The following MEGF11 variants were observed in gnomAD, a reference collection of about 807,000 sequenced individuals.
MEGF11 encodes multiple epidermal growth factor-like domains protein 11.
MEGF11 carries 126 observed loss-of-function variants against 146.6 expected under a neutral mutation model. The observed-to-expected ratio is 0.86, with a 90% CI of 0.74 to 1.00. The LOEUF is 1.00. Among genes scored for constraint, MEGF11 ranks in the 50% least tolerant of loss-of-function variants. The pLI is 0.00. For synonymous variants in MEGF11, 532 were observed against 583.4 expected (o/e 0.91, Z 1.27); for missense variants, 1,509 against 1,521.2 (o/e 0.99, Z 0.13).
At chr15:66,050,541 G>T (rs960778423) in intron 5 of MEGF11, among the ~76,000 whole-genome samples, 3 of 152,202 alleles carry the variant, frequency 2.0e-5, no homozygotes, top group African/African-American at 7.2e-5. Context: ...TGAGAGAGGT[G>T]GGTAAGGATC....
intron 1 of MEGF11, among the ~76,000 whole-genome samples, chr15:66,210,939 A>G (rs947226142): frequency 6.6e-6 from 1 of 152,216 alleles, no homozygotes; most frequent in Middle Eastern, 3.2e-3. Flanking sequence ...AGAAAAAACT[A>G]GTAGTCAAGG....
intron 6 of MEGF11, among the ~76,000 whole-genome samples, chr15:65,981,678 T>C (rs892333656): frequency 1.3e-5 from 2 of 152,082 alleles, no homozygotes; most frequent in Non-Finnish European, 2.9e-5. Flanking sequence ...CTTGTAGGTC[T>C]CCTGTCAATA....
intron 5 of MEGF11, among the ~76,000 whole-genome samples, chr15:66,046,814 C>G (rs1201217964): frequency 6.6e-6 from 1 of 152,090 alleles, no homozygotes; most frequent in African/African-American, 2.4e-5. Flanking sequence ...CTAGGCTGTC[C>G]CTTATCATAT....
intron 5 of MEGF11, among the ~76,000 whole-genome samples, chr15:66,034,744 C>T (rs1007257787): frequency 5.9e-5 from 9 of 152,070 alleles, no homozygotes; most frequent in African/African-American, 1.9e-4. Flanking sequence ...GAATGTGTTC[C>T]CCAAAAGTTT....
chr15:66,173,080 C>T (rs2090304650), intron 1 of MEGF11, among the ~76,000 whole-genome samples: 1 of 152,184 alleles, frequency 6.6e-6, no homozygotes, highest in Non-Finnish European at 1.5e-5. Flanking sequence ...TCCTCCACAG[C>T]ACGTTCCAGA....
chr15:66,183,231 G>A lies in MEGF11; in HGVS notation c.-8-54820C>T, dbSNP rs150406220. The stretch of plus-strand genomic sequence containing the variant: ...GATACACACGGTGGCTGGGCGTGGG[G>A]GCTCACGCCTGTAATCCCAGCACTT... On this transcript the variant is annotated intron_variant, in intron 1 of 25. Transcript: ENST00000395614. Among the ~76,000 whole-genome samples the A allele has an allele frequency of 2.6e-3, 389 of 152,292 alleles. 2 individuals carry two copies. The highest frequency in any genetic ancestry group is 7.6e-3 in the African/African-American group (314 of 41,558).
At chr15:65,916,713 A>G (rs1046221925) in intron 17 of MEGF11, 115 bp downstream of exon 17, 3 of 1,520,136 alleles carry the variant, frequency 2.0e-6, no homozygotes, top group Admixed American at 3.9e-5. Flanking sequence ...AGGTACCACC[A>G]GTCCTGGGGC....
chr15:66,188,343 CA>C (rs35256111), intron 1 of MEGF11, among the ~76,000 whole-genome samples: 17,545 of 145,518 alleles, frequency 0.12, 1,694 homozygotes, highest in African/African-American at 0.27. Flanking sequence ...AAAAATTGTT[CA>C]AAAAAAATAA....
rs1441717820 is a variant in MEGF11 at position 66,018,636 on chromosome 15, T to C, written c.395-36148A>G. On this transcript the variant is annotated intron_variant, in intron 5 of 25. Transcript: ENST00000395614. ...GCTGGTGAGCGCATGTGTGAGTGTGTGCGAGCGGGTGCCTGCCTATGCGTG... is the reference window on the plus strand; with the variant it reads ...GCTGGTGAGCGCATGTGTGAGTGTGCGCGAGCGGGTGCCTGCCTATGCGTG... Among the ~76,000 whole-genome samples the C allele has an allele frequency of 2.6e-5, 4 of 151,988 alleles. No individual in the cohort carries two copies. The East Asian group carries it at 7.8e-4, about 30-fold the overall frequency.
chr15:65,943,768 C>G (rs1277218005), intron 10 of MEGF11, among the ~76,000 whole-genome samples: 1 of 151,540 alleles, frequency 6.6e-6, no homozygotes, highest in African/African-American at 2.4e-5. Context: ...GGCCATGAAG[C>G]CCCAACGGTG....
chr15:66,142,548 G>A (rs370532060), intron 1 of MEGF11, among the ~76,000 whole-genome samples: 3 of 152,354 alleles, frequency 2.0e-5, no homozygotes, highest in South Asian at 2.1e-4. Context: ...GTGAGTAAGC[G>A]TGGGAAGAGT....
rs145442671 is a variant in MEGF11 at position 66,182,181 on chromosome 15, C to T, written c.-8-53770G>A. Among the ~76,000 whole-genome samples the T allele has an allele frequency of 3.6e-3, 542 of 152,254 alleles. 3 individuals are homozygous for T. The highest frequency in any genetic ancestry group is 0.012 in the African/African-American group (509 of 41,522). ...TGCCTTTTGATGATCTCGGGACCAACGGCAAATAGAGTCTGCCAGTCCTCA... is the reference window on the plus strand; with the variant it reads ...TGCCTTTTGATGATCTCGGGACCAATGGCAAATAGAGTCTGCCAGTCCTCA... On this transcript the variant is annotated intron_variant, in intron 1 of 25. Transcript: ENST00000395614.
chr15:66,198,333 T>C (rs2091060402), intron 1 of MEGF11, among the ~76,000 whole-genome samples: 3 of 152,208 alleles, frequency 2.0e-5, no homozygotes, highest in South Asian at 2.1e-4. Flanking sequence ...TCAGACACTT[T>C]GTCCCTCATC....
At chr15:66,002,187 G>A (rs773524108) in intron 5 of MEGF11, among the ~76,000 whole-genome samples, 6 of 152,154 alleles carry the variant, frequency 3.9e-5, no homozygotes, top group African/African-American at 9.7e-5. Context: ...AGCTCATGGC[G>A]CAAGCTGTCT....
At chr15:66,248,921 T>A (rs1335708334) in intron 1 of MEGF11, among the ~76,000 whole-genome samples, 1 of 152,232 alleles carries the variant, frequency 6.6e-6, no homozygotes. Flanking sequence ...CTCTCAACTA[T>A]AAAATAATCG....
At chr15:65,974,357 G>A (rs775168137) in intron 7 of MEGF11, among the ~76,000 whole-genome samples, 1 of 152,124 alleles carries the variant, frequency 6.6e-6, no homozygotes, top group Non-Finnish European at 1.5e-5. Flanking sequence ...GTGAGAAAAG[G>A]GGAGAGAAGA....
At chr15:66,167,866 G>C (rs1284983593) in intron 1 of MEGF11, among the ~76,000 whole-genome samples, 1 of 152,198 alleles carries the variant, frequency 6.6e-6, no homozygotes, top group Non-Finnish European at 1.5e-5. Flanking sequence ...GTGAGGCCGG[G>C]GGGAAGGGGC....
chr15:66,056,126 G>A (rs1000758132), intron 5 of MEGF11, among the ~76,000 whole-genome samples: 3 of 152,068 alleles, frequency 2.0e-5, no homozygotes, highest in Non-Finnish European at 2.9e-5. Flanking sequence ...GTACTTTAAC[G>A]AGGCTCCCAG....
Position 66,140,995 on chromosome 15 carries a change from T to G in MEGF11, c.-8-12584A>C, listed in dbSNP as rs911375398. On this transcript the variant is annotated intron_variant, in intron 1 of 25. Coordinates refer to ENST00000395614, the MANE Select transcript of MEGF11 (RefSeq NM_001385028.1). ...GTTCACTCATCAGCCACTGTGCACC[T>G]TACTGAGCACCAGGGCAAAAGAAAA... 2.0e-5 allele frequency among the ~76,000 whole-genome samples: 3 copies of G among 152,286 alleles called. No individual in the cohort carries two copies. The East Asian group carries it at 5.8e-4, about 29-fold the overall frequency.
Sources: gnomAD v4.1 joint callset for allele counts (sites outside exome capture counted in the v4.1 genomes callset) on GRCh38, gnomAD v4.1.1 for gene constraint, MANE v1.5 for transcripts, NCBI Gene and HGNC (gene_info 2026-07-23, HGNC 2026-07-21) for gene names.